Variants in CSNK2A2IP observed in about 807,000 individuals in gnomAD.
CSNK2A2IP encodes casein kinase 2 subunit alpha' interacting protein.
the CSNK2A2IP span, among the ~76,000 whole-genome samples, chr3:88,458,457 G>T: frequency 2.0e-4 from 31 of 151,830 alleles, no homozygotes; most frequent in African/African-American, 7.5e-4. Flanking sequence ...AGCCCTCTTT[G>T]TTTTTAATTC....
the CSNK2A2IP span, among the ~76,000 whole-genome samples, chr3:88,404,182 C>G: frequency 6.6e-6 from 1 of 151,840 alleles, no homozygotes; most frequent in Non-Finnish European, 1.5e-5. Flanking sequence ...GGAAGAAGCC[C>G]ATAGACAATT....
the CSNK2A2IP span, among the ~76,000 whole-genome samples, chr3:88,442,944 A>T: frequency 6.6e-6 from 1 of 152,094 alleles, no homozygotes; most frequent in Admixed American, 6.6e-5. Flanking sequence ...AATTTTTTAC[A>T]ATATAAACTT....
At chr3:88,405,072 T>C in the CSNK2A2IP span, among the ~76,000 whole-genome samples, 1 of 152,110 alleles carries the variant, frequency 6.6e-6, no homozygotes, top group Admixed American at 6.6e-5. Context: ...TTTACCTTGA[T>C]GTTTCCTCTT....
the CSNK2A2IP span, among the ~76,000 whole-genome samples, chr3:88,340,026 T>G: frequency 6.6e-6 from 1 of 152,024 alleles, no homozygotes; most frequent in Non-Finnish European, 1.5e-5. Flanking sequence ...CAGTTGCCTA[T>G]TTGCGAGGAC....
At chr3:88,358,805 G>A in the CSNK2A2IP span, among the ~76,000 whole-genome samples, 2 of 152,070 alleles carry the variant, frequency 1.3e-5, no homozygotes, top group East Asian at 1.9e-4. Flanking sequence ...TGTTGTTGTT[G>A]TGTCTGTCTG....
the CSNK2A2IP span, among the ~76,000 whole-genome samples, chr3:88,459,433 G>A: frequency 3.3e-5 from 5 of 151,880 alleles, no homozygotes; most frequent in African/African-American, 1.2e-4. Context: ...ATATATTATT[G>A]ATTCTATTAA....
chr3:88,440,346 G>C, the CSNK2A2IP span, among the ~76,000 whole-genome samples: 2,071 of 152,162 alleles, frequency 0.014, 39 homozygotes, highest in African/African-American at 0.048. Context: ...TACAAATTGA[G>C]TAATTGGTAA....
chr3:88,351,511 A>G, the CSNK2A2IP span, among the ~76,000 whole-genome samples: 22 of 152,096 alleles, frequency 1.4e-4, no homozygotes, highest in Non-Finnish European at 8.8e-5. Flanking sequence ...CCCACTATCT[A>G]GTGATAATCA....
the CSNK2A2IP span, among the ~76,000 whole-genome samples, chr3:88,461,553 A>AAAAT: frequency 6.6e-6 from 1 of 152,178 alleles, no homozygotes; most frequent in Non-Finnish European, 1.5e-5. Flanking sequence ...ACTCTGTTTC[A>AAAAT]AAAATAAAAT....
At chr3:88,394,859 A>G in the CSNK2A2IP span, among the ~76,000 whole-genome samples, 2 of 152,204 alleles carry the variant, frequency 1.3e-5, no homozygotes, top group Non-Finnish European at 2.9e-5. Context: ...AAAGGAAACA[A>G]CAGACACTGG....
At chr3:88,372,308 A>T in the CSNK2A2IP span, among the ~76,000 whole-genome samples, 1 of 151,520 alleles carries the variant, frequency 6.6e-6, no homozygotes, top group Non-Finnish European at 1.5e-5. Flanking sequence ...AACTGCAATT[A>T]CCTTTGCACC....
At chr3:88,369,699 A>C in the CSNK2A2IP span, among the ~76,000 whole-genome samples, 1 of 151,904 alleles carries the variant, frequency 6.6e-6, no homozygotes, top group Non-Finnish European at 1.5e-5. Flanking sequence ...CTGTTCCTGA[A>C]AGACAGAATT....
chr3:88,378,177 C>T, the CSNK2A2IP span, among the ~76,000 whole-genome samples: 1 of 151,776 alleles, frequency 6.6e-6, no homozygotes, highest in South Asian at 2.1e-4. Context: ...TGTAACTTTC[C>T]CCCACTTTTA....
the CSNK2A2IP span, among the ~76,000 whole-genome samples, chr3:88,402,718 T>C: frequency 1.6e-4 from 24 of 152,126 alleles, no homozygotes; most frequent in South Asian, 4.8e-3. Flanking sequence ...ATACCATATA[T>C]TTGTACATAA....
the CSNK2A2IP span, among the ~76,000 whole-genome samples, chr3:88,455,341 CT>C: frequency 6.6e-6 from 1 of 151,762 alleles, no homozygotes; most frequent in African/African-American, 2.4e-5. Flanking sequence ...CCAGTAGGTT[CT>C]TTTTTCCCCA....
At chr3:88,417,260 T>C in the CSNK2A2IP span, among the ~76,000 whole-genome samples, 2 of 151,974 alleles carry the variant, frequency 1.3e-5, no homozygotes, top group Admixed American at 6.6e-5. Flanking sequence ...TTATTCATCC[T>C]TTTTTTTACT....
At chr3:88,373,091 A>C in the CSNK2A2IP span, among the ~76,000 whole-genome samples, 2 of 151,492 alleles carry the variant, frequency 1.3e-5, no homozygotes, top group African/African-American at 2.4e-5. Context: ...GAAATTCAGT[A>C]AAGATATAGA....
At chr3:88,416,430 A>T in the CSNK2A2IP span, among the ~76,000 whole-genome samples, 2 of 152,180 alleles carry the variant, frequency 1.3e-5, no homozygotes, top group Admixed American at 1.3e-4. Context: ...ACAGATTCAT[A>T]GGCCTGAGTT....
the CSNK2A2IP span, among the ~76,000 whole-genome samples, chr3:88,437,990 T>C: frequency 6.6e-6 from 1 of 152,192 alleles, no homozygotes; most frequent in Non-Finnish European, 1.5e-5. Context: ...AAAAAATTAT[T>C]CAAAACACTC....
Sources: allele counts gnomAD v4.1 joint callset (sites outside exome capture counted in the v4.1 genomes callset), GRCh38; gene constraint gnomAD v4.1.1; transcripts MANE v1.5; gene names NCBI Gene and HGNC (gene_info 2026-07-23, HGNC 2026-07-21).